TRIM37: variants seen among roughly 807,000 people sequenced by gnomAD.
TRIM37 encodes the protein E3 ubiquitin-protein ligase TRIM37.
Under a neutral mutation model 129.8 loss-of-function variants are expected in TRIM37, and 80 were observed. That is an observed-to-expected ratio of 0.62 (90% CI 0.51 to 0.74). The LOEUF is 0.74. Among genes scored for constraint, TRIM37 ranks in the 30% least tolerant of loss-of-function variants. The pLI is 0.00. For synonymous variants in TRIM37, 389 were observed against 387.1 expected (o/e 1.00, Z -0.06); for missense variants, 1,054 against 1,176.5 (o/e 0.90, Z 1.52).
intron 24 of TRIM37, among the ~76,000 whole-genome samples, chr17:58,987,224 A>C (rs891885895): frequency 6.6e-6 from 1 of 152,222 alleles, no homozygotes; most frequent in African/African-American, 2.4e-5. Context: ...AGTTTAACTA[A>C]AGATGATGAA....
chr17:58,989,784 A>G (rs1204330907), intron 24 of TRIM37, among the ~76,000 whole-genome samples: 1 of 152,198 alleles, frequency 6.6e-6, no homozygotes, highest in Non-Finnish European at 1.5e-5. Context: ...AGAATCCTAG[A>G]AGGAGAAGAG....
At chr17:59,033,235 T>C in intron 17 of TRIM37, among the ~76,000 whole-genome samples, 1 of 152,142 alleles carries the variant, frequency 6.6e-6, no homozygotes, top group East Asian at 1.9e-4. Context: ...AGGATATAAC[T>C]TAGGAGGAAA....
intron 12 of TRIM37, among the ~76,000 whole-genome samples, chr17:59,058,026 A>T (rs2041128190): frequency 6.6e-6 from 1 of 152,230 alleles, no homozygotes; most frequent in Admixed American, 6.5e-5. Context: ...GTTTCCTCAT[A>T]AATATTGTTA....
intron 2 of TRIM37, among the ~76,000 whole-genome samples, chr17:59,096,926 C>T (rs906339027): frequency 4.6e-5 from 7 of 152,108 alleles, no homozygotes; most frequent in Admixed American, 4.6e-4. Context: ...AAAAATTATA[C>T]ACTGTGGCCA....
chr17:59,082,769 C>T (rs1043750851), intron 5 of TRIM37, among the ~76,000 whole-genome samples: 1 of 152,126 alleles, frequency 6.6e-6, no homozygotes, highest in Non-Finnish European at 1.5e-5. Context: ...CAAAGTATCC[C>T]ATTATTGTCT....
At position 59,106,815 on chromosome 17, in the gene TRIM37, C is replaced by T. The variant is rs1039827318; in HGVS notation, c.-354G>A. ...CGGTGGAGTTCAGCGAAGAAGGTGCCGCAGAGAATTCGCAAACACCAACCG... is the reference window on the plus strand; with the variant it reads ...CGGTGGAGTTCAGCGAAGAAGGTGCTGCAGAGAATTCGCAAACACCAACCG... On this transcript the variant is annotated 5_prime_UTR_variant, in exon 1 of 24. Coordinates refer to ENST00000262294, the MANE Select transcript of TRIM37 (RefSeq NM_015294.6). The T allele has an allele frequency of 6.3e-6, 3 of 477,656 alleles. No individual in the cohort carries two copies. The highest frequency in any genetic ancestry group is 2.3e-5 in the South Asian group (1 of 42,788). 29.6% of individuals were successfully genotyped at this position (477,656 alleles called of 1,614,324 possible). A position where few individuals can be genotyped will look rare whatever the true frequency, so the allele number is the denominator to read the frequency against.
chr17:59,074,649 C>G (rs1252306950), intron 8 of TRIM37, among the ~76,000 whole-genome samples: 1 of 152,064 alleles, frequency 6.6e-6, no homozygotes, highest in Non-Finnish European at 1.5e-5. Context: ...CCATAGGAAT[C>G]AGGAAACATG....
chr17:59,106,818 A>G lies in TRIM37; in HGVS notation c.-357T>C. The stretch of plus-strand genomic sequence containing the variant: ...TGGAGTTCAGCGAAGAAGGTGCCGC[A>G]GAGAATTCGCAAACACCAACCGTAA... On this transcript the variant is annotated 5_prime_UTR_variant, in exon 1 of 24. Coordinates refer to ENST00000262294, the MANE Select transcript of TRIM37 (RefSeq NM_015294.6). 4 of 472,566 alleles carry G rather than the reference A, an allele frequency of 8.5e-6. No individual in the cohort carries two copies. The highest frequency in any genetic ancestry group is 1.5e-5 in the Non-Finnish European group (4 of 261,636). 29.3% of individuals were successfully genotyped at this position (472,566 alleles called of 1,614,324 possible).
intron 2 of TRIM37, among the ~76,000 whole-genome samples, chr17:59,094,671 GA>G (rs1422113867): frequency 1.4e-4 from 21 of 151,980 alleles, no homozygotes; most frequent in African/African-American, 5.1e-4. Flanking sequence ...TGGATGTGAG[GA>G]AAAAGGAAGA....
Position 58,998,269 on chromosome 17 carries a change from A to G in TRIM37, c.*1108T>C, listed in dbSNP as rs1349924749. ...TGAACAAAAGTAAACTATGAGTCACAGCATTCAGCAAGACATCAGACACGG... is the reference window on the plus strand; with the variant it reads ...TGAACAAAAGTAAACTATGAGTCACGGCATTCAGCAAGACATCAGACACGG... On this transcript the variant is annotated 3_prime_UTR_variant, in exon 24 of 24. Transcript: ENST00000262294. 3 of 985,382 alleles carry G rather than the reference A, an allele frequency of 3.0e-6. No individual in the cohort carries two copies. Among genetic ancestry groups the G allele is most frequent in the African/African-American group, 1.7e-5 (1 of 57,270 alleles). 61.0% of individuals were successfully genotyped at this position (985,382 alleles called of 1,614,324 possible). A position where few individuals can be genotyped will look rare whatever the true frequency, so the allele number is the denominator to read the frequency against.
chr17:59,080,221 C>G (rs1481674595), intron 6 of TRIM37, among the ~76,000 whole-genome samples: 1 of 152,184 alleles, frequency 6.6e-6, no homozygotes, highest in Non-Finnish European at 1.5e-5. Context: ...CAACTTGAAA[C>G]AAAATGTATT....
Position 58,998,767 on chromosome 17 carries a change from G to C in TRIM37, c.*610C>G, listed in dbSNP as rs536681479. On this transcript the variant is annotated 3_prime_UTR_variant, in exon 24 of 24. Transcript: ENST00000262294. ...TTACATTTGTAGAAGTCACACAACA[G>C]AAAGATACCATGCGGTTGAACAGTG... is the stretch of plus-strand genomic sequence containing the variant. 1.0e-6 allele frequency: 1 copy of C among 986,134 alleles called. No homozygotes were observed. The highest frequency in any genetic ancestry group is 1.7e-5 in the African/African-American group (1 of 57,352). 61.1% of individuals were successfully genotyped at this position (986,134 alleles called of 1,614,324 possible).
At chr17:59,090,713 C>T (rs1415064221) in intron 3 of TRIM37, among the ~76,000 whole-genome samples, 2 of 152,068 alleles carry the variant, frequency 1.3e-5, no homozygotes, top group Non-Finnish European at 2.9e-5. Context: ...CCAACCTCCA[C>T]CTCCTAGGTT....
At chr17:59,051,671 C>T (rs1325068370) in intron 13 of TRIM37, among the ~76,000 whole-genome samples, 1 of 151,980 alleles carries the variant, frequency 6.6e-6, no homozygotes, top group Non-Finnish European at 1.5e-5. Context: ...CAGTTTCCTC[C>T]TATAAGGAGG....
intron 22 of TRIM37, among the ~76,000 whole-genome samples, chr17:59,003,520 G>C (rs569694347): frequency 3.9e-5 from 6 of 152,108 alleles, no homozygotes; most frequent in African/African-American, 1.4e-4. Context: ...GAGATGGGTA[G>C]TGTAGTTATT....
At chr17:59,042,466 A>C (rs1255228572) in intron 16 of TRIM37, among the ~76,000 whole-genome samples, 2 of 126,612 alleles carry the variant, frequency 1.6e-5, no homozygotes, top group African/African-American at 3.0e-5. Flanking sequence ...ATATATATAT[A>C]TATATATATC....
chr17:59,088,097 GA>G (rs2043939273), intron 4 of TRIM37, 193 bp downstream of exon 4: 3 of 615,794 alleles, frequency 4.9e-6, no homozygotes, highest in Non-Finnish European at 5.8e-6. Flanking sequence ...TACATGGCAT[GA>G]AATAACTGTT....
At chr17:58,986,859 C>CT (rs1309005647) in intron 24 of TRIM37, among the ~76,000 whole-genome samples, 3 of 152,138 alleles carry the variant, frequency 2.0e-5, no homozygotes, top group Non-Finnish European at 4.4e-5. Context: ...TTCTATTGTG[C>CT]TTTAGGGAAC....
intron 1 of TRIM37, among the ~76,000 whole-genome samples, chr17:59,105,388 G>GAAC (rs1040359801): frequency 3.9e-5 from 6 of 152,018 alleles, no homozygotes; most frequent in Non-Finnish European, 5.9e-5. Flanking sequence ...GCGATCTTGG[G>GAAC]AACAACAACA....
Sources: allele counts gnomAD v4.1 joint callset (sites outside exome capture counted in the v4.1 genomes callset), GRCh38; gene constraint gnomAD v4.1.1; transcripts MANE v1.5; gene names NCBI Gene and HGNC (gene_info 2026-07-23, HGNC 2026-07-21).